Variants in COL4A6 observed in about 807,000 individuals in gnomAD.
The protein encoded by COL4A6 is collagen type IV alpha 6 chain.
Under a neutral mutation model 126.7 loss-of-function variants are expected in COL4A6, and 59 were observed. The observed-to-expected ratio is 0.47, with a 90% CI of 0.38 to 0.58. The LOEUF (loss-of-function observed/expected upper bound fraction) is 0.58. Ranked by LOEUF, COL4A6 falls within the 20% of genes least tolerant of loss-of-function variation. The pLI is 0.00. For synonymous variants in COL4A6, 547 were observed against 496.6 expected (o/e 1.10, Z -1.35); for missense variants, 1,285 against 1,337.3 (o/e 0.96, Z 0.61).
intron 3 of COL4A6, among the ~76,000 whole-genome samples, chrX:108,251,951 C>T (rs2036859911): frequency 1.8e-5 from 2 of 111,331 alleles, no homozygotes; most frequent in Admixed American, 1.9e-4. Flanking sequence ...GCATATCCAT[C>T]CCCTTCAACA....
chrX:108,228,893 A>G (rs1417273197), intron 3 of COL4A6, among the ~76,000 whole-genome samples: 1 of 112,533 alleles, frequency 8.9e-6, no homozygotes. Context: ...ATTATACTGT[A>G]TATACCACAA....
intron 3 of COL4A6, among the ~76,000 whole-genome samples, chrX:108,302,851 T>G (rs951206555): frequency 9.0e-6 from 1 of 111,465 alleles, no homozygotes; most frequent in African/African-American, 3.3e-5. Flanking sequence ...ATACATAGCA[T>G]TTAGTGAACC....
chrX:108,379,210 G>C (rs368406987), intron 2 of COL4A6, among the ~76,000 whole-genome samples: 24 of 111,575 alleles, frequency 2.2e-4, no homozygotes, highest in African/African-American at 7.8e-4. Flanking sequence ...TATGTCCAGG[G>C]AGAATGCCCA....
chrX:108,398,172 G>T (rs1231912976), intron 2 of COL4A6, among the ~76,000 whole-genome samples: 1 of 112,197 alleles, frequency 8.9e-6, no homozygotes, highest in African/African-American at 3.2e-5. Flanking sequence ...GACTAATGAT[G>T]AATCAATCTT....
intron 31 of COL4A6, among the ~76,000 whole-genome samples, chrX:108,173,343 T>C (rs1246574046): frequency 8.9e-6 from 1 of 112,330 alleles, no homozygotes; most frequent in Non-Finnish European, 1.9e-5. Flanking sequence ...CTTCTAATTC[T>C]GAGCCTCTGT....
At chrX:108,433,524 C>T (rs779505248) in intron 2 of COL4A6, among the ~76,000 whole-genome samples, 1 of 109,218 alleles carries the variant, frequency 9.2e-6, no homozygotes, top group South Asian at 3.9e-4. Context: ...TTTTTCTTTT[C>T]TTTTTCTCTT....
chrX:108,369,963 C>G (rs147842545), intron 2 of COL4A6, among the ~76,000 whole-genome samples: 155 of 112,121 alleles, frequency 1.4e-3, no homozygotes, highest in Non-Finnish European at 2.5e-3. Flanking sequence ...TTTGCTGACT[C>G]TAACTCTAAT....
At chrX:108,277,178 G>A (rs1428695438) in intron 3 of COL4A6, among the ~76,000 whole-genome samples, 1 of 111,823 alleles carries the variant, frequency 8.9e-6, no homozygotes, top group African/African-American at 3.3e-5. Context: ...AGCCGAAGCA[G>A]GGCGAGGCAT....
chrX:108,338,164 G>A (rs1258589597), intron 2 of COL4A6, among the ~76,000 whole-genome samples: 2 of 111,603 alleles, frequency 1.8e-5, no homozygotes, highest in Non-Finnish European at 3.8e-5. Flanking sequence ...TCACTGGGGA[G>A]GAATGAGATG....
chrX:108,421,004 C>G (rs1337687305), intron 2 of COL4A6, among the ~76,000 whole-genome samples: 1 of 112,042 alleles, frequency 8.9e-6, no homozygotes, highest in Non-Finnish European at 1.9e-5. Context: ...ATTTATATCT[C>G]TATATAATTT....
intron 3 of COL4A6, among the ~76,000 whole-genome samples, chrX:108,264,691 G>A (rs1027677466): frequency 8.9e-6 from 1 of 111,871 alleles, no homozygotes; most frequent in African/African-American, 3.2e-5. Flanking sequence ...CCTGGGGCCT[G>A]TTGTTTCAAC....
chrX:108,392,613 A>T (rs748895532), intron 2 of COL4A6, among the ~76,000 whole-genome samples: 23 of 111,902 alleles, frequency 2.1e-4, no homozygotes, highest in Non-Finnish European at 3.8e-4. Flanking sequence ...TATGACTTGG[A>T]TCTTTGAGTC....
chrX:108,206,715 T>A (rs1221886600), intron 8 of COL4A6, 135 bp from the exon 9 acceptor site: 1 of 565,433 alleles, frequency 1.8e-6, no homozygotes, highest in Middle Eastern at 3.2e-4. Context: ...TTGGAAATGT[T>A]CCAGTTGTCC....
At chrX:108,256,548 T>G (rs939722171) in intron 3 of COL4A6, among the ~76,000 whole-genome samples, 1 of 111,556 alleles carries the variant, frequency 9.0e-6, no homozygotes, top group African/African-American at 3.3e-5. Flanking sequence ...TCACACATCT[T>G]AAGAGTCAGA....
intron 37 of COL4A6, among the ~76,000 whole-genome samples, chrX:108,169,122 G>A (rs2034218072): frequency 9.0e-6 from 1 of 111,300 alleles, no homozygotes; most frequent in South Asian, 3.9e-4. Flanking sequence ...CCCTGGGAGT[G>A]CCATCCACAC....
At chrX:108,330,586 C>A (rs1315023592) in intron 2 of COL4A6, among the ~76,000 whole-genome samples, 1 of 111,168 alleles carries the variant, frequency 9.0e-6, no homozygotes, top group Non-Finnish European at 1.9e-5. Flanking sequence ...GTAGGCAATC[C>A]TGGAAACCAG....
intron 2 of COL4A6, among the ~76,000 whole-genome samples, chrX:108,313,095 C>T (rs1247315061): frequency 8.9e-6 from 1 of 112,637 alleles, no homozygotes; most frequent in Non-Finnish European, 1.9e-5. Context: ...GGCCACAAGG[C>T]AATTTCCTGT....
At chrX:108,404,886 C>T (rs2041170773) in intron 2 of COL4A6, among the ~76,000 whole-genome samples, 1 of 111,678 alleles carries the variant, frequency 9.0e-6, no homozygotes, top group South Asian at 3.7e-4. Context: ...AGAGTTTGAG[C>T]CAGGTATTCA....
chrX:108,212,820 G>A (rs2035749229), intron 6 of COL4A6, among the ~76,000 whole-genome samples: 2 of 111,750 alleles, frequency 1.8e-5, no homozygotes, highest in African/African-American at 3.3e-5. Context: ...TTAGGCTTGA[G>A]GTTAAGTTAA....
Sources: allele counts gnomAD v4.1 joint callset (sites outside exome capture counted in the v4.1 genomes callset), GRCh38; gene constraint gnomAD v4.1.1; transcripts MANE v1.5; gene names NCBI Gene and HGNC (gene_info 2026-07-23, HGNC 2026-07-21).